CDK14: variants seen among roughly 807,000 people sequenced by gnomAD.
CDK14 encodes the protein cyclin-dependent kinase 14.
A neutral mutation model predicts 60.7 loss-of-function variants in CDK14; 34 were observed. The ratio of observed to expected loss-of-function variants is 0.56; its 90% CI spans 0.43 to 0.75. CDK14 has a LOEUF of 0.75. CDK14 is among the 30% of genes least tolerant of loss of function. The probability of loss-of-function intolerance (pLI) is 0.00; values close to 1 mark genes in which losing one functional copy is unlikely to be tolerated. For synonymous variants in CDK14, 197 were observed against 203.7 expected, an observed-to-expected ratio of 0.97 and a Z score of 0.28; for missense variants, 482 against 564.1, an observed-to-expected ratio of 0.85 and a Z score of 1.47.
intron 9 of CDK14, among the ~76,000 whole-genome samples, chr7:90,967,850 ATTAAC>A (rs1285868102): frequency 1.3e-5 from 2 of 152,212 alleles, no homozygotes; most frequent in Non-Finnish European, 2.9e-5. Flanking sequence ...AAAGTGGATC[ATTAAC>A]TTATATGCAC....
At chr7:91,064,338 A>C (rs1320983351) in intron 11 of CDK14, among the ~76,000 whole-genome samples, 1 of 132,542 alleles carries the variant, frequency 7.5e-6, no homozygotes, top group Non-Finnish European at 1.7e-5. Context: ...CTAGGAGCAC[A>C]GACTCCAGAT....
intron 12 of CDK14, among the ~76,000 whole-genome samples, chr7:91,105,911 A>C (rs1799282278): frequency 6.6e-6 from 1 of 152,212 alleles, no homozygotes; most frequent in African/African-American, 2.4e-5. Context: ...GGAAAATAGC[A>C]TATTAGATGC....
intron 2 of CDK14, among the ~76,000 whole-genome samples, chr7:90,605,337 T>C (rs992912856): frequency 1.3e-5 from 2 of 152,192 alleles, no homozygotes; most frequent in Non-Finnish European, 2.9e-5. Flanking sequence ...TGGGCTGAGC[T>C]TTACAAAGCT....
intron 14 of CDK14, among the ~76,000 whole-genome samples, chr7:91,151,984 A>G (rs1800839930): frequency 6.6e-6 from 1 of 152,240 alleles, no homozygotes; most frequent in Admixed American, 6.5e-5. Context: ...TGCATTACAT[A>G]AAACCGAACT....
At chr7:91,031,936 G>A (rs966845645) in intron 10 of CDK14, among the ~76,000 whole-genome samples, 20 of 152,180 alleles carry the variant, frequency 1.3e-4, no homozygotes, top group Non-Finnish European at 2.9e-5. Context: ...ACCCAGTTGA[G>A]CACTCACCTT....
chr7:90,747,414 T>C (rs746137537), intron 3 of CDK14, among the ~76,000 whole-genome samples: 1 of 152,228 alleles, frequency 6.6e-6, no homozygotes, highest in Non-Finnish European at 1.5e-5. Flanking sequence ...AGCTTACAGA[T>C]AGCACTGGAA....
At chr7:91,119,274 AG>A (rs1799711275) in intron 14 of CDK14, among the ~76,000 whole-genome samples, 1 of 152,174 alleles carries the variant, frequency 6.6e-6, no homozygotes, top group Non-Finnish European at 1.5e-5. Context: ...TGAGCTCAGG[AG>A]TTCGAGAACA....
intron 3 of CDK14, among the ~76,000 whole-genome samples, chr7:90,741,108 A>G (rs1333385676): frequency 1.3e-5 from 2 of 152,186 alleles, no homozygotes; most frequent in Non-Finnish European, 2.9e-5. Context: ...GAAATGGGTT[A>G]CTATTGTGTC....
At chr7:90,933,661 G>T (rs1793662548) in intron 8 of CDK14, among the ~76,000 whole-genome samples, 1 of 152,202 alleles carries the variant, frequency 6.6e-6, no homozygotes, top group Non-Finnish European at 1.5e-5. Context: ...GATTTAGAGA[G>T]AAAGACCTAA....
chr7:91,170,848 C>A (rs2518781), intron 14 of CDK14, among the ~76,000 whole-genome samples: 52,412 of 148,520 alleles, frequency 0.35, 11,025 homozygotes, highest in Non-Finnish European at 0.49. Flanking sequence ...CTCACTGCAA[C>A]CTCCACCTCC....
At chr7:90,862,070 T>C (rs1412579382) in intron 5 of CDK14, among the ~76,000 whole-genome samples, 2 of 152,090 alleles carry the variant, frequency 1.3e-5, no homozygotes, top group South Asian at 2.1e-4. Flanking sequence ...GAAATAAAAT[T>C]AGAGTTAATT....
At chr7:91,105,948 A>G (rs1799283536) in intron 12 of CDK14, among the ~76,000 whole-genome samples, 1 of 152,212 alleles carries the variant, frequency 6.6e-6, no homozygotes, top group African/African-American at 2.4e-5. Flanking sequence ...CATTGAACTG[A>G]GCGATGGCTC....
At chr7:90,831,091 C>G (rs1789897135) in intron 5 of CDK14, among the ~76,000 whole-genome samples, 1 of 152,214 alleles carries the variant, frequency 6.6e-6, no homozygotes, top group Non-Finnish European at 1.5e-5. Context: ...GTTCCAAAGT[C>G]ACTTCCACAT....
In CDK14 at chr7:91,208,084, C is replaced by A. The variant is rs1374337312; in HGVS notation, c.*948C>A. On this transcript the variant is annotated 3_prime_UTR_variant, in exon 15 of 15. Coordinates refer to ENST00000380050, the MANE Select transcript of CDK14 (RefSeq NM_001287135.2). ...AGCAGTCTTGGCCTGTTAGGGCTTA[C>A]AAAGTAAATTACAAAGTGATCCAGT... The A allele has an allele frequency of 6.6e-6, 1 of 152,476 alleles. No homozygotes were observed. The highest frequency in any genetic ancestry group is 1.5e-5 in the Non-Finnish European group (1 of 68,018). 9.4% of individuals were successfully genotyped at this position (152,476 alleles called of 1,614,324 possible). A position where few individuals can be genotyped will look rare whatever the true frequency, so the allele number is the denominator to read the frequency against.
chr7:90,862,111 A>C (rs1013980128), intron 5 of CDK14, among the ~76,000 whole-genome samples: 1 of 152,216 alleles, frequency 6.6e-6, no homozygotes, highest in Non-Finnish European at 1.5e-5. Flanking sequence ...AGAAAAGAAA[A>C]AATCAAATCA....
chr7:90,631,199 T>G (rs562007854), intron 2 of CDK14, among the ~76,000 whole-genome samples: 1 of 152,302 alleles, frequency 6.6e-6, no homozygotes, highest in African/African-American at 2.4e-5. Flanking sequence ...ACATTATCAC[T>G]GATAAGGTAA....
At chr7:90,762,402 G>A (rs1309720099) in intron 4 of CDK14, among the ~76,000 whole-genome samples, 3 of 152,076 alleles carry the variant, frequency 2.0e-5, no homozygotes, top group Admixed American at 2.0e-4. Context: ...CTCTCTCTGG[G>A]ATAGGGTCCT....
At chr7:90,764,200 G>A (rs1158926739) in intron 4 of CDK14, among the ~76,000 whole-genome samples, 4 of 152,142 alleles carry the variant, frequency 2.6e-5, no homozygotes, top group African/African-American at 7.2e-5. Context: ...TGAACTTTAT[G>A]TACAGTTCTT....
intron 8 of CDK14, among the ~76,000 whole-genome samples, chr7:90,935,964 A>G (rs1304626876): frequency 6.6e-6 from 1 of 151,980 alleles, no homozygotes. Flanking sequence ...GAGGATCAAT[A>G]GAGGGAGGTT....
Sources: allele counts gnomAD v4.1 joint callset (sites outside exome capture counted in the v4.1 genomes callset), GRCh38; gene constraint gnomAD v4.1.1; transcripts MANE v1.5; gene names NCBI Gene and HGNC (gene_info 2026-07-23, HGNC 2026-07-21).